Variants in SLC25A21 observed in about 807,000 individuals in gnomAD.
The protein encoded by SLC25A21 is mitochondrial 2-oxodicarboxylate carrier.
SLC25A21 carries 47 observed loss-of-function variants against 43.8 expected under a neutral mutation model. That is an observed-to-expected ratio of 1.07 (90% CI 0.85 to 1.37). The LOEUF is 1.37. Ranked by LOEUF, SLC25A21 falls within the 40% of genes most tolerant of loss-of-function variation. The probability of loss-of-function intolerance (pLI) is 0.00; values close to 1 mark genes in which losing one functional copy is unlikely to be tolerated. For synonymous variants in SLC25A21, 131 were observed against 121.3 expected (o/e 1.08, Z -0.52); for missense variants, 352 against 350.2 (o/e 1.00, Z -0.04).
chr14:36,895,962 G>A (rs1312243881), intron 1 of SLC25A21, among the ~76,000 whole-genome samples: 28 of 152,014 alleles, frequency 1.8e-4, no homozygotes, highest in South Asian at 6.2e-4. Context: ...ACTTCCATCT[G>A]TGTGGTCAAT....
intron 1 of SLC25A21, among the ~76,000 whole-genome samples, chr14:37,034,405 TAA>T (rs2138773329): frequency 6.6e-6 from 1 of 152,326 alleles, no homozygotes; most frequent in African/African-American, 2.4e-5. Flanking sequence ...GTATATGGGA[TAA>T]AGTCCATCCA....
intron 1 of SLC25A21, among the ~76,000 whole-genome samples, chr14:36,907,276 C>A (rs1016343370): frequency 4.0e-5 from 6 of 151,860 alleles, no homozygotes; most frequent in African/African-American, 1.5e-4. Flanking sequence ...TGCAAGGTAA[C>A]CATCAAATCA....
chr14:37,130,871 C>T (rs1457472665), intron 1 of SLC25A21, among the ~76,000 whole-genome samples: 1 of 152,190 alleles, frequency 6.6e-6, no homozygotes. Context: ...AAAGGAACTG[C>T]TGGCTTTGGC....
At chr14:36,761,519 G>A (rs1886156296) in intron 3 of SLC25A21, among the ~76,000 whole-genome samples, 1 of 152,226 alleles carries the variant, frequency 6.6e-6, no homozygotes, top group South Asian at 2.1e-4. Flanking sequence ...CTGAAAGTCA[G>A]TTAATCTGTA....
At chr14:37,141,557 A>C (rs1485777680) in intron 1 of SLC25A21, among the ~76,000 whole-genome samples, 2 of 152,088 alleles carry the variant, frequency 1.3e-5, no homozygotes, top group Non-Finnish European at 2.9e-5. Context: ...TGTAGCTTCC[A>C]TTTGTGTAAC....
intron 2 of SLC25A21, among the ~76,000 whole-genome samples, chr14:36,868,141 T>C (rs1301828239): frequency 1.7e-5 from 2 of 117,782 alleles, no homozygotes; most frequent in East Asian, 4.3e-4. Flanking sequence ...CAGAGAAATA[T>C]AATTAAAGAT....
chr14:36,927,764 G>A (rs751374788), intron 1 of SLC25A21, among the ~76,000 whole-genome samples: 23 of 152,088 alleles, frequency 1.5e-4, no homozygotes, highest in Non-Finnish European at 2.6e-4. Context: ...CATGGAAATC[G>A]CAACCAGCTG....
At chr14:36,745,589 G>T in intron 3 of SLC25A21, among the ~76,000 whole-genome samples, 1 of 152,132 alleles carries the variant, frequency 6.6e-6, no homozygotes, top group South Asian at 2.1e-4. Flanking sequence ...TTTCTCTGAT[G>T]ACCAGTGATG....
intron 1 of SLC25A21, among the ~76,000 whole-genome samples, chr14:37,084,412 T>C (rs745478128): frequency 1.3e-5 from 2 of 152,210 alleles, no homozygotes; most frequent in Non-Finnish European, 2.9e-5. Flanking sequence ...GTACTGTTGG[T>C]AGAGAACTGT....
At chr14:36,983,685 C>A (rs181032534) in intron 1 of SLC25A21, among the ~76,000 whole-genome samples, 13 of 152,230 alleles carry the variant, frequency 8.5e-5, no homozygotes, top group Non-Finnish European at 1.6e-4. Flanking sequence ...CACCTGCACT[C>A]GAATGTTTAT....
At chr14:36,986,748 T>G (rs1372123444) in intron 1 of SLC25A21, among the ~76,000 whole-genome samples, 4 of 152,126 alleles carry the variant, frequency 2.6e-5, no homozygotes, top group Admixed American at 6.6e-5. Context: ...TGTTCATTTT[T>G]TTTATGTTTA....
intron 1 of SLC25A21, among the ~76,000 whole-genome samples, chr14:36,893,485 C>T (rs534047234): frequency 2.6e-5 from 4 of 152,258 alleles, no homozygotes; most frequent in Middle Eastern, 3.4e-3. Flanking sequence ...TTCTCCCATT[C>T]TGTAGGTTGC....
chr14:37,032,688 G>C (rs1274997684), intron 1 of SLC25A21, among the ~76,000 whole-genome samples: 1 of 96,928 alleles, frequency 1.0e-5, no homozygotes, highest in East Asian at 2.9e-4. Flanking sequence ...AAAAAAAAGG[G>C]AGAACAGATG....
intron 3 of SLC25A21, among the ~76,000 whole-genome samples, chr14:36,788,442 G>T (rs1475726531): frequency 6.6e-6 from 1 of 150,816 alleles, no homozygotes; most frequent in Non-Finnish European, 1.5e-5. Flanking sequence ...TGGCGATCAT[G>T]AAAGGCTGAG....
chr14:36,996,284 T>C (rs746895673), intron 1 of SLC25A21, among the ~76,000 whole-genome samples: 2 of 152,178 alleles, frequency 1.3e-5, no homozygotes, highest in African/African-American at 2.4e-5. Context: ...CACTTGATCA[T>C]AGTATCTAAG....
At chr14:36,880,686 A>T (rs1377728757) in intron 1 of SLC25A21, among the ~76,000 whole-genome samples, 1 of 152,248 alleles carries the variant, frequency 6.6e-6, no homozygotes, top group East Asian at 1.9e-4. Context: ...TTTATTCTGC[A>T]TTTAATTCAT....
intron 1 of SLC25A21, among the ~76,000 whole-genome samples, chr14:37,083,311 A>G (rs1312872206): frequency 6.6e-6 from 1 of 152,204 alleles, no homozygotes; most frequent in Non-Finnish European, 1.5e-5. Flanking sequence ...TAGGGTATGT[A>G]GTTGCAGCTA....
intron 1 of SLC25A21, among the ~76,000 whole-genome samples, chr14:36,968,482 T>C (rs1012376949): frequency 7.2e-5 from 11 of 152,198 alleles, no homozygotes; most frequent in African/African-American, 2.4e-4. Flanking sequence ...GCCACCTCCA[T>C]GGAACAGGAA....
At chr14:37,025,460 G>A (rs1459832617) in intron 1 of SLC25A21, among the ~76,000 whole-genome samples, 2 of 152,090 alleles carry the variant, frequency 1.3e-5, no homozygotes, top group East Asian at 1.9e-4. Context: ...GAGATGTGTC[G>A]CTAATGCTCC....
Sources: allele counts gnomAD v4.1 joint callset (sites outside exome capture counted in the v4.1 genomes callset), GRCh38; gene constraint gnomAD v4.1.1; transcripts MANE v1.5; gene names NCBI Gene and HGNC (gene_info 2026-07-23, HGNC 2026-07-21).